The following STK33 variants were observed in gnomAD, a reference collection of about 807,000 sequenced individuals.
The protein encoded by STK33 is serine/threonine kinase 33, also known as serine/threonine-protein kinase 33.
Under a neutral mutation model 58.0 loss-of-function variants are expected in STK33, and 52 were observed. That is an observed-to-expected ratio of 0.90 (90% CI 0.72 to 1.13). The LOEUF is 1.13. STK33 is among the 50% of genes most tolerant of loss of function. The probability of loss-of-function intolerance (pLI) is 0.00; values close to 1 mark genes in which losing one functional copy is unlikely to be tolerated. For missense variants in STK33, 630 were observed against 604.2 expected (o/e 1.04, Z -0.45); for synonymous variants, 215 against 200.1 (o/e 1.07, Z -0.63).
chr11:8,413,158 A>C (rs1940566531), intron 15 of STK33, among the ~76,000 whole-genome samples: 1 of 152,164 alleles, frequency 6.6e-6, no homozygotes, highest in South Asian at 2.1e-4. Flanking sequence ...ACACTCATTC[A>C]TTTGTTGTCT....
At chr11:8,383,681 A>G in the STK33 span, among the ~76,000 whole-genome samples, 1 of 152,360 alleles carries the variant, frequency 6.6e-6, no homozygotes, top group South Asian at 2.1e-4. Context: ...AGATTTGGCC[A>G]CATCTCCCAG....
At chr11:8,593,590 C>T (rs1041783465) in intron 1 of STK33, among the ~76,000 whole-genome samples, 2 of 152,180 alleles carry the variant, frequency 1.3e-5, no homozygotes, top group African/African-American at 4.8e-5. Flanking sequence ...GTCATCCTTT[C>T]ACCTCCTATG....
At chr11:8,548,045 G>C (rs1956063948) in intron 1 of STK33, among the ~76,000 whole-genome samples, 1 of 151,598 alleles carries the variant, frequency 6.6e-6, no homozygotes, top group Non-Finnish European at 1.5e-5. Flanking sequence ...ATAGCATTAG[G>C]AGATATACCT....
intron 14 of STK33, among the ~76,000 whole-genome samples, chr11:8,421,534 T>C (rs1166449063): frequency 6.6e-6 from 1 of 152,224 alleles, no homozygotes; most frequent in Non-Finnish European, 1.5e-5. Context: ...TAAGTCTTAA[T>C]ATCCGGTAGA....
intron 1 of STK33, among the ~76,000 whole-genome samples, chr11:8,500,313 T>C (rs1024611395): frequency 9.5e-5 from 14 of 147,906 alleles, no homozygotes; most frequent in Non-Finnish European, 1.6e-4. Context: ...TCCTAAGGAA[T>C]ACATACATAC....
At chr11:8,464,616 G>GAGGC in intron 7 of STK33, 93 bp downstream of exon 7, 1 of 814,358 alleles carries the variant, frequency 1.2e-6, no homozygotes, top group Middle Eastern at 2.4e-4. Flanking sequence ...CTCAGGGTGA[G>GAGGC]AGGCAGCTTG....
At chr11:8,384,731 G>A in the STK33 span, among the ~76,000 whole-genome samples, 28,627 of 152,118 alleles carry the variant, frequency 0.19, 3,257 homozygotes, top group African/African-American at 0.3. Context: ...CTGTAAACAC[G>A]TGACTTGCTT....
At position 8,522,917 on chromosome 11, in the gene STK33, G is replaced by C. The variant is rs554255685; in HGVS notation, c.-465-42303C>G. 5.3e-5 allele frequency among the ~76,000 whole-genome samples: 8 copies of C among 152,270 alleles called. No individual in the cohort carries two copies. In the South Asian group the frequency reaches 6.2e-4, roughly 12 times the overall value. On this transcript the variant is annotated intron_variant, in intron 1 of 15. Coordinates refer to ENST00000687296, the MANE Select transcript of STK33 (RefSeq NM_001352389.2). ...CCTGATTCTCCTGCCTCAGCCTGCC[G>C]AGTGCCTGGGATTGCAGGCGCGCGC...
chr11:8,347,912 C>T, the STK33 span, among the ~76,000 whole-genome samples: 1 of 152,222 alleles, frequency 6.6e-6, no homozygotes, highest in African/African-American at 2.4e-5. Context: ...GCTCACCCAC[C>T]TTCCCCTGCC....
chr11:8,576,751 C>T (rs1280498550), intron 1 of STK33, among the ~76,000 whole-genome samples: 8 of 152,164 alleles, frequency 5.3e-5, no homozygotes, highest in Non-Finnish European at 1.2e-4. Context: ...GTAATTTGCA[C>T]AAGGCCACAC....
chr11:8,360,901 T>C, the STK33 span, among the ~76,000 whole-genome samples: 1 of 152,248 alleles, frequency 6.6e-6, no homozygotes, highest in Non-Finnish European at 1.5e-5. Context: ...TTTAGATCCA[T>C]GTGGATAATC....
At chr11:8,366,166 G>A in the STK33 span, among the ~76,000 whole-genome samples, 1 of 152,218 alleles carries the variant, frequency 6.6e-6, no homozygotes, top group African/African-American at 2.4e-5. Context: ...AGCATCAGAA[G>A]GGGATCCAGC....
intron 1 of STK33, among the ~76,000 whole-genome samples, chr11:8,526,296 G>A (rs985926537): frequency 9.9e-5 from 15 of 152,008 alleles, no homozygotes; most frequent in South Asian, 2.1e-4. Flanking sequence ...GGAGGCTGAG[G>A]CAGGAGAATC....
chr11:8,371,798 C>CCT, the STK33 span, among the ~76,000 whole-genome samples: 4,163 of 138,622 alleles, frequency 0.03, 54 homozygotes, highest in Non-Finnish European at 0.05. Context: ...TCTCCCTCTC[C>CCT]CTCTCTCTCT....
At chr11:8,479,645 T>C (rs1267160327) in intron 2 of STK33, among the ~76,000 whole-genome samples, 1 of 151,756 alleles carries the variant, frequency 6.6e-6, no homozygotes, top group African/African-American at 2.4e-5. Flanking sequence ...GAGTTCGAGA[T>C]CAGCCTGGCC....
chr11:8,491,528 T>C (rs1329469003), intron 1 of STK33, among the ~76,000 whole-genome samples: 2 of 152,136 alleles, frequency 1.3e-5, no homozygotes, highest in South Asian at 2.1e-4. Flanking sequence ...CTTCAGGATA[T>C]TATCCAGGAG....
chr11:8,349,905 G>T, the STK33 span, among the ~76,000 whole-genome samples: 1 of 152,324 alleles, frequency 6.6e-6, no homozygotes, highest in Admixed American at 6.5e-5. Flanking sequence ...CATAAATCAT[G>T]TGCGTCCTCA....
chr11:8,440,580 T>TTTTAAAAAGTGA, intron 12 of STK33, 98 bp downstream of exon 12: 1 of 1,096,036 alleles, frequency 9.1e-7, no homozygotes, highest in Non-Finnish European at 1.2e-6. Flanking sequence ...TTAAATCACT[T>TTTTAAAAAGTGA]TTTAAAAATA....
chr11:8,468,760 A>G (rs1948479641), intron 6 of STK33, among the ~76,000 whole-genome samples: 2 of 152,144 alleles, frequency 1.3e-5, no homozygotes, highest in South Asian at 4.1e-4. Context: ...TACAAAACAT[A>G]ATTTTATTCT....
Sources: allele counts gnomAD v4.1 joint callset (sites outside exome capture counted in the v4.1 genomes callset), GRCh38; gene constraint gnomAD v4.1.1; transcripts MANE v1.5; gene names NCBI Gene and HGNC (gene_info 2026-07-23, HGNC 2026-07-21).